Variants in SEMA5B observed in about 807,000 individuals in gnomAD.
SEMA5B encodes semaphorin 5B.
A neutral mutation model predicts 135.0 loss-of-function variants in SEMA5B; 66 were observed. The ratio of observed to expected loss-of-function variants is 0.49; its 90% CI spans 0.40 to 0.60. The LOEUF is 0.60. Among genes scored for constraint, SEMA5B ranks in the 20% least tolerant of loss-of-function variants. SEMA5B has a pLI of 0.00. For missense variants in SEMA5B, 1,501 were observed against 1,566.3 expected (o/e 0.96, Z 0.70); for synonymous variants, 690 against 639.5 (o/e 1.08, Z -1.19).
intron 2 of SEMA5B, among the ~76,000 whole-genome samples, chr3:122,952,249 C>G (rs1442231989): frequency 6.6e-6 from 1 of 152,190 alleles, no homozygotes; most frequent in Non-Finnish European, 1.5e-5. Context: ...CAGTGCTAGC[C>G]TGGGTCCGTC....
intron 1 of SEMA5B, chr3:122,992,970 G>A (rs1023373745): frequency 6.6e-6 from 1 of 152,032 alleles, no homozygotes; most frequent in Admixed American, 6.5e-5. Context: ...CAGACCTGGG[G>A]CCACAGGCAC....
At chr3:122,969,837 A>T (rs1014104588) in intron 1 of SEMA5B, among the ~76,000 whole-genome samples, 16 of 152,154 alleles carry the variant, frequency 1.1e-4, no homozygotes, top group African/African-American at 3.9e-4. Context: ...AATCATCTCT[A>T]TTTGGCTGTG....
chr3:123,002,962 A>G (rs774793690), intron 1 of SEMA5B, among the ~76,000 whole-genome samples: 5 of 152,186 alleles, frequency 3.3e-5, no homozygotes, highest in Non-Finnish European at 7.4e-5. Flanking sequence ...TACAAAAAAA[A>G]TTACTAGCAT....
chr3:123,004,339 A>G (rs1403129480), intron 1 of SEMA5B, among the ~76,000 whole-genome samples: 1 of 152,262 alleles, frequency 6.6e-6, no homozygotes, highest in Non-Finnish European at 1.5e-5. Context: ...TGGAAAAAGG[A>G]AAGAGCAGGC....
rs138978672 is a variant in SEMA5B, at chr3:122,911,538, G to A, written c.3047-3C>T. 6 of 1,609,622 alleles carry A rather than the reference G, an allele frequency of 3.7e-6. No homozygotes were observed. In the African/African-American group the frequency reaches 6.7e-5, roughly 18 times the overall value. ...CATGCTGGAGGCTGGCAGGATGACT[G>A]CAGGAAGACCAGTGGACAGGGTGTC... On this transcript the variant is annotated splice_polypyrimidine_tract_variant and splice_region_variant and intron_variant, in intron 20 of 22. Coordinates refer to ENST00000357599, the MANE Select transcript of SEMA5B (RefSeq NM_001031702.4).
chr3:122,928,574 G>A lies in SEMA5B; in HGVS notation c.579C>T (p.Gly193=). The stretch of plus-strand genomic sequence containing the variant: ...TGGTTCCACACATGAACACCTTCCG[G>A]CCGGCGACGATCAGGACTCGCACGT... The part of the protein sequence containing the change: ...QNYVRVLIVA[G]RKVFMCGTNA... The change falls in exon 7 of 23, where the codon GGC becomes GGT. Residue 193 remains glycine (G), a synonymous_variant. Coordinates refer to ENST00000357599, the MANE Select transcript of SEMA5B (RefSeq NM_001031702.4). The A allele has an allele frequency of 6.4e-7, 1 of 1,564,204 alleles. No individual in the cohort carries two copies. The highest frequency in any genetic ancestry group is 8.7e-7 in the Non-Finnish European group (1 of 1,153,654).
At chr3:122,920,978 T>A (rs565800292) in intron 12 of SEMA5B, among the ~76,000 whole-genome samples, 26 of 152,232 alleles carry the variant, frequency 1.7e-4, no homozygotes, top group Non-Finnish European at 3.1e-4. Context: ...GGAGCTGGAG[T>A]GTCTGCCCTG....
chr3:122,992,603 T>C (rs1941911887), intron 1 of SEMA5B, among the ~76,000 whole-genome samples: 1 of 152,160 alleles, frequency 6.6e-6, no homozygotes, highest in South Asian at 2.1e-4. Context: ...AGCTCCCTGA[T>C]GCCCCACCTC....
intron 5 of SEMA5B, among the ~76,000 whole-genome samples, chr3:122,933,866 T>A (rs1391125809): frequency 6.6e-6 from 1 of 152,072 alleles, no homozygotes; most frequent in Non-Finnish European, 1.5e-5. Context: ...AACAAAATAT[T>A]TTGTATCTCT....
At chr3:122,917,502 A>G (rs1938128852) in intron 12 of SEMA5B, among the ~76,000 whole-genome samples, 1 of 152,166 alleles carries the variant, frequency 6.6e-6, no homozygotes, top group African/African-American at 2.4e-5. Flanking sequence ...CTTCAGGGAG[A>G]GTAACCTGTC....
rs535915715 is a variant in SEMA5B, at chr3:122,978,399, GGACCC to G, written c.-38-17103_-38-17099del. Among the ~76,000 whole-genome samples the G allele has an allele frequency of 5.4e-3, 821 of 152,302 alleles. 3 individuals are homozygous for G. Among genetic ancestry groups the G allele is most frequent in the Non-Finnish European group, 8.3e-3 (565 of 68,014 alleles). On this transcript the variant is annotated intron_variant, in intron 1 of 22. Transcript: ENST00000357599. ...GGGGAGGCGGGGCGTAGGGCCACAG[GGACCC>G]GTGCAGCATCCCAAACACTTCAGAA...
chr3:122,912,732 G>C (rs1382462532), intron 18 of SEMA5B, 111 bp downstream of exon 18: 1 of 1,089,136 alleles, frequency 9.2e-7, no homozygotes, highest in African/African-American at 1.6e-5. Context: ...AGTTGGCAGG[G>C]AGAAGGGGTC....
At chr3:123,009,181 C>T (rs1324263903) in intron 1 of SEMA5B, among the ~76,000 whole-genome samples, 1 of 152,024 alleles carries the variant, frequency 6.6e-6, no homozygotes, top group Non-Finnish European at 1.5e-5. Flanking sequence ...ACTCAGACTC[C>T]TATCAATGCA....
At chr3:122,978,590 C>G (rs112945735) in intron 1 of SEMA5B, among the ~76,000 whole-genome samples, 67 of 152,218 alleles carry the variant, frequency 4.4e-4, no homozygotes, top group African/African-American at 1.6e-3. Flanking sequence ...CAGAAAGAGA[C>G]TCTCGGTGGT....
chr3:122,917,257 T>G (rs1427871283), intron 12 of SEMA5B, among the ~76,000 whole-genome samples: 1 of 152,124 alleles, frequency 6.6e-6, no homozygotes. Context: ...AAGCATGGGC[T>G]CAGAAATTGG....
intron 1 of SEMA5B, among the ~76,000 whole-genome samples, chr3:123,003,777 T>G (rs111728102): frequency 0.059 from 8,931 of 152,172 alleles, 743 homozygotes; most frequent in African/African-American, 0.19. Context: ...GAGATTGCAG[T>G]GAGCTGAGAT....
intron 2 of SEMA5B, among the ~76,000 whole-genome samples, chr3:122,953,242 C>T (rs937061079): frequency 1.3e-5 from 2 of 152,182 alleles, no homozygotes; most frequent in Non-Finnish European, 2.9e-5. Flanking sequence ...CTAACCTGTG[C>T]TCCCTTCCCA....
chr3:122,931,799 G>A (rs1938986732), intron 5 of SEMA5B, among the ~76,000 whole-genome samples: 1 of 152,226 alleles, frequency 6.6e-6, no homozygotes, highest in South Asian at 2.1e-4. Flanking sequence ...GATGCTTATA[G>A]AATGAGCACG....
At chr3:122,986,480 T>C (rs541192751) in intron 1 of SEMA5B, among the ~76,000 whole-genome samples, 52 of 152,196 alleles carry the variant, frequency 3.4e-4, no homozygotes, top group Non-Finnish European at 5.6e-4. Context: ...ATGATCTCTT[T>C]TCCCTGTGCA....
Sources: gnomAD v4.1 joint callset for allele counts (sites outside exome capture counted in the v4.1 genomes callset) on GRCh38, gnomAD v4.1.1 for gene constraint, MANE v1.5 for transcripts, NCBI Gene and HGNC (gene_info 2026-07-23, HGNC 2026-07-21) for gene names.